The following TRIP12 variants were observed in gnomAD, a reference collection of about 807,000 sequenced individuals.
The protein encoded by TRIP12 is E3 ubiquitin-protein ligase TRIP12.
Under a neutral mutation model 244.2 loss-of-function variants are expected in TRIP12, and 25 were observed. The ratio of observed to expected loss-of-function variants is 0.10; its 90% CI spans 0.07 to 0.14. TRIP12 has a LOEUF of 0.14. Among genes scored for constraint, TRIP12 ranks in the 10% least tolerant of loss-of-function variants. The pLI is 1.00. For synonymous variants in TRIP12, 905 were observed against 873.1 expected (o/e 1.04, Z -0.64); for missense variants, 1,677 against 2,486.4 (o/e 0.67, Z 6.92).
At chr2:229,916,399 T>C (rs1270015432) in intron 1 of TRIP12, among the ~76,000 whole-genome samples, 2 of 152,164 alleles carry the variant, frequency 1.3e-5, no homozygotes, top group Admixed American at 1.3e-4. Context: ...AAATCAAGCA[T>C]AACCATGATA....
intron 2 of TRIP12, among the ~76,000 whole-genome samples, chr2:229,867,535 T>TA (rs1428775298): frequency 2.6e-5 from 4 of 152,086 alleles, no homozygotes; most frequent in African/African-American, 9.7e-5. Context: ...ATTAATTTTC[T>TA]AAAAAGGAGC....
intron 4 of TRIP12, among the ~76,000 whole-genome samples, chr2:229,855,623 AAG>A (rs61630359): frequency 0.22 from 28,709 of 131,622 alleles, 3,000 homozygotes; most frequent in East Asian, 0.32. Context: ...AAAAAAAAAA[AAG>A]AGAAAAGAAA....
intron 8 of TRIP12, among the ~76,000 whole-genome samples, chr2:229,818,916 A>C (rs1458999415): frequency 1.3e-5 from 2 of 152,190 alleles, no homozygotes; most frequent in East Asian, 3.8e-4. Flanking sequence ...AATGTTATAC[A>C]CCTCTAAATA....
intron 37 of TRIP12, 121 bp from the exon 38 acceptor site, chr2:229,774,382 T>C: frequency 1.1e-6 from 1 of 951,650 alleles, no homozygotes; most frequent in South Asian, 2.0e-5. Context: ...GGTTCAACTC[T>C]TAGCCTCTTT....
chr2:229,885,938 C>CTGCA (rs1358797330), intron 1 of TRIP12, among the ~76,000 whole-genome samples: 3 of 152,010 alleles, frequency 2.0e-5, no homozygotes, highest in Admixed American at 6.6e-5. Flanking sequence ...TATTAGAGAA[C>CTGCA]TGCATATAAG....
At chr2:229,843,180 C>A (rs2056883463) in intron 4 of TRIP12, among the ~76,000 whole-genome samples, 1 of 151,176 alleles carries the variant, frequency 6.6e-6, no homozygotes, top group Non-Finnish European at 1.5e-5. Flanking sequence ...TATGATGCCA[C>A]TCAACCAGAA....
chr2:229,838,349 A>G (rs1196640277), intron 5 of TRIP12, among the ~76,000 whole-genome samples: 5 of 152,194 alleles, frequency 3.3e-5, no homozygotes, highest in Non-Finnish European at 4.4e-5. Context: ...TGCTGCCCTC[A>G]AGGAGTGCTA....
intron 2 of TRIP12, among the ~76,000 whole-genome samples, chr2:229,868,470 T>A (rs549058874): frequency 6.6e-6 from 1 of 152,288 alleles, no homozygotes; most frequent in East Asian, 1.9e-4. Flanking sequence ...CCCAAAGTAC[T>A]GACATTACAG....
intron 37 of TRIP12, 151 bp downstream of exon 37, chr2:229,777,164 A>C: frequency 1.2e-6 from 1 of 814,284 alleles, no homozygotes; most frequent in Non-Finnish European, 1.8e-6. Flanking sequence ...CCACTGTGAA[A>C]TCATATGTCT....
At chr2:229,824,029 C>T (rs116281408) in intron 8 of TRIP12, among the ~76,000 whole-genome samples, 2,263 of 152,166 alleles carry the variant, frequency 0.015, 46 homozygotes, top group African/African-American at 0.052. Context: ...AACAGATATT[C>T]TAAGTAACGT....
chr2:229,902,515 G>C (rs1560245260), intron 1 of TRIP12, among the ~76,000 whole-genome samples: 2 of 152,174 alleles, frequency 1.3e-5, no homozygotes, highest in African/African-American at 2.4e-5. Context: ...AATTGCTGCA[G>C]ATACCTCAAA....
intron 1 of TRIP12, among the ~76,000 whole-genome samples, chr2:229,886,525 G>C (rs562281422): frequency 6.6e-6 from 1 of 151,420 alleles, no homozygotes; most frequent in African/African-American, 2.4e-5. Flanking sequence ...GCAATGGCGC[G>C]ATCTCGGTTC....
intron 1 of TRIP12, among the ~76,000 whole-genome samples, chr2:229,883,943 T>C (rs902223069): frequency 2.0e-5 from 3 of 152,058 alleles, no homozygotes; most frequent in African/African-American, 7.2e-5. Context: ...ACTCCATTTG[T>C]ACTATAAATA....
chr2:229,848,036 C>G (rs1354570169), intron 4 of TRIP12, among the ~76,000 whole-genome samples: 1 of 152,034 alleles, frequency 6.6e-6, no homozygotes, highest in Non-Finnish European at 1.5e-5. Context: ...TAGGGCTTCA[C>G]CTTGAGGCAG....
intron 2 of TRIP12, among the ~76,000 whole-genome samples, chr2:229,865,410 G>A (rs369237052): frequency 4.0e-5 from 6 of 150,520 alleles, no homozygotes; most frequent in Admixed American, 6.6e-5. Context: ...GTTACAAGTA[G>A]CTAGTTAATT....
At chr2:229,908,259 T>C (rs1367902066) in intron 1 of TRIP12, among the ~76,000 whole-genome samples, 1 of 152,184 alleles carries the variant, frequency 6.6e-6, no homozygotes, top group Non-Finnish European at 1.5e-5. Flanking sequence ...TAGACTATAT[T>C]ATATACCTTT....
chr2:229,916,542 T>C (rs1185422221), intron 1 of TRIP12, among the ~76,000 whole-genome samples: 1 of 151,846 alleles, frequency 6.6e-6, no homozygotes, highest in Non-Finnish European at 1.5e-5. Flanking sequence ...GTGACAAAAG[T>C]GAGACTCTGT....
chr2:229,882,983 T>TA (rs2065190908), intron 1 of TRIP12, among the ~76,000 whole-genome samples: 3 of 152,228 alleles, frequency 2.0e-5, no homozygotes, highest in African/African-American at 2.4e-5. Context: ...TTCATCTTTT[T>TA]AAAAAGAGGC....
chr2:229,865,478 TTA>T (rs1250567676), intron 2 of TRIP12, among the ~76,000 whole-genome samples: 2 of 152,068 alleles, frequency 1.3e-5, no homozygotes, highest in African/African-American at 4.8e-5. Flanking sequence ...TATTCACAGC[TTA>T]TATGATATGC....
Sources: gnomAD v4.1 joint callset for allele counts (sites outside exome capture counted in the v4.1 genomes callset) on GRCh38, gnomAD v4.1.1 for gene constraint, MANE v1.5 for transcripts, NCBI Gene and HGNC (gene_info 2026-07-23, HGNC 2026-07-21) for gene names.